The following STK11 variants were observed in gnomAD, a reference collection of about 807,000 sequenced individuals.
STK11 encodes the protein serine/threonine-protein kinase STK11.
STK11 carries 8 observed loss-of-function variants against 47.3 expected under a neutral mutation model. The ratio of observed to expected loss-of-function variants is 0.17; its 90% CI spans 0.10 to 0.31. STK11 has a LOEUF of 0.31. Among genes scored for constraint, STK11 ranks in the 10% least tolerant of loss-of-function variants. The probability of loss-of-function intolerance (pLI) is 1.00; values close to 1 mark genes in which losing one functional copy is unlikely to be tolerated. For missense variants in STK11, 475 were observed against 605.0 expected (o/e 0.79, Z 2.25); for synonymous variants, 330 against 255.8 (o/e 1.29, Z -2.77).
intron 8 of STK11, chr19:1,225,298 A>T: frequency 1.0e-6 from 1 of 981,046 alleles, no homozygotes; most frequent in Non-Finnish European, 1.2e-6. Flanking sequence ...TTGGAGACAG[A>T]GTCTTGCTCT....
At chr19:1,217,021 C>A (rs1052384961) in intron 1 of STK11, among the ~76,000 whole-genome samples, 1 of 151,790 alleles carries the variant, frequency 6.6e-6, no homozygotes, top group South Asian at 2.1e-4. Flanking sequence ...GGTTCCACAT[C>A]TCGGCTGCTG....
chr19:1,214,855 C>T (rs1296014495), intron 1 of STK11, among the ~76,000 whole-genome samples: 1 of 152,200 alleles, frequency 6.6e-6, no homozygotes, highest in African/African-American at 2.4e-5. Flanking sequence ...TGCCGGTAGC[C>T]GGCTCCTGCT....
Position 1,223,024 on chromosome 19 carries a change from G to T in STK11, c.960G>T (p.Val320=), listed in dbSNP as rs752961535. The T allele has an allele frequency of 1.3e-6, 2 of 1,588,166 alleles. No individual in the cohort carries two copies. Among genetic ancestry groups the T allele is most frequent in the East Asian group, 4.6e-5 (2 of 43,510 alleles). The stretch of plus-strand genomic sequence containing the variant: ...AACATCCTCCGGCTGAAGCACCAGT[G>T]CCCATCCCACCGAGCCCAGACACCA... ...RKKHPPAEAP[V]PIPPSPDTKD... is the part of the protein sequence containing the mutation. Residue 320 remains valine (V), a synonymous_variant, in exon 8 of 10, where the codon GTG becomes GTT. Coordinates refer to ENST00000326873, the MANE Select transcript of STK11 (RefSeq NM_000455.5).
chr19:1,213,636 T>C (rs1042562695), intron 1 of STK11, among the ~76,000 whole-genome samples: 1 of 152,234 alleles, frequency 6.6e-6, no homozygotes, highest in South Asian at 2.1e-4. Flanking sequence ...CACTTTCCAG[T>C]GTGTGGAGGG....
intron 6 of STK11, chr19:1,221,619 A>G (rs1377357998): frequency 3.4e-6 from 2 of 582,462 alleles, no homozygotes; most frequent in South Asian, 2.2e-5. Context: ...CCTGGCTTGC[A>G]GGGTCTGTCA....
chr19:1,222,038 G>C (rs374147918), intron 7 of STK11, 32 bp downstream of exon 7: 7 of 1,554,846 alleles, frequency 4.5e-6, no homozygotes, highest in South Asian at 1.2e-5. Context: ...TGGGGCCGAG[G>C]CTGCAGGGAG....
rs556227806 is a variant in STK11 at position 1,225,053 on chromosome 19, G to C, written c.1109-1401G>C. 1.7e-4 allele frequency: 166 copies of C among 985,874 alleles called. 6 individuals are homozygous for C. The East Asian group carries it at 8.5e-3, about 50-fold the overall frequency. 61.1% of individuals were successfully genotyped at this position (985,874 alleles called of 1,614,324 possible). ...CTCACGTGTCCCTACCCAGGATGCG[G>C]GTCCTGCTGCCAACACCCAGATCCC... On this transcript the variant is annotated intron_variant, in intron 8 of 9. Transcript: ENST00000326873.
chr19:1,226,764 AC>A, intron 9 of STK11, 101 bp downstream of exon 9: 1 of 1,349,220 alleles, frequency 7.4e-7, no homozygotes, highest in Admixed American at 3.0e-5. Flanking sequence ...GGTGACCGTC[AC>A]GTGGCTGCGC....
At chr19:1,221,190 T>A (rs2080781115) in intron 5 of STK11, 23 bp from the exon 6 acceptor site, 1 of 1,610,874 alleles carries the variant, frequency 6.2e-7, no homozygotes, top group East Asian at 2.2e-5. Flanking sequence ...ACCACGCCTT[T>A]CTTCCCTCCC....
intron 8 of STK11, chr19:1,225,054 G>A (rs898383885): frequency 4.1e-6 from 4 of 985,722 alleles, no homozygotes; most frequent in Non-Finnish European, 4.8e-6. Flanking sequence ...CAGGATGCGG[G>A]TCCTGCTGCC....
chr19:1,206,786 GT>G lies in STK11; in HGVS notation c.-123del. ...GAAGGGTTTTTCCCTTCCTTTTGGG[GT>G]TTTTGTTGCCTTTTTTTTTTCTTTT... On this transcript the variant is annotated 5_prime_UTR_variant, in exon 1 of 10. Coordinates refer to ENST00000326873, the MANE Select transcript of STK11 (RefSeq NM_000455.5). The G allele has an allele frequency of 8.0e-7, 1 of 1,251,770 alleles. No individual in the cohort carries two copies. Among genetic ancestry groups the G allele is most frequent in the South Asian group, 1.6e-5 (1 of 62,448 alleles). 77.5% of individuals were successfully genotyped at this position (1,251,770 alleles called of 1,614,324 possible).
chr19:1,226,371 C>G, intron 8 of STK11, 83 bp from the exon 9 acceptor site: 1 of 1,547,766 alleles, frequency 6.5e-7, no homozygotes. Context: ...GTAAGTGCGT[C>G]CCCGTGGTGG....
At chr19:1,214,671 G>T (rs1443706717) in intron 1 of STK11, among the ~76,000 whole-genome samples, 1 of 152,218 alleles carries the variant, frequency 6.6e-6, no homozygotes, top group Non-Finnish European at 1.5e-5. Context: ...TGCAGGTTGA[G>T]CTCCTGGCCT....
At chr19:1,224,905 C>T (rs768173748) in intron 8 of STK11, 1,919 of 985,760 alleles carry the variant, frequency 1.9e-3, no homozygotes, top group Non-Finnish European at 2.2e-3. Context: ...TCAGCGTGAG[C>T]CCCGTCCCTG....
At chr19:1,215,398 CAG>C (rs1190019609) in intron 1 of STK11, among the ~76,000 whole-genome samples, 1 of 152,258 alleles carries the variant, frequency 6.6e-6, no homozygotes, top group East Asian at 1.9e-4. Flanking sequence ...GGCAGCCCGA[CAG>C]GGCACCGGGC....
At chr19:1,223,911 G>A (rs913156676) in intron 8 of STK11, 12 of 1,014,348 alleles carry the variant, frequency 1.2e-5, no homozygotes, top group Non-Finnish European at 1.4e-5. Flanking sequence ...TCGGGCTGGA[G>A]CCTGAGGGGG....
chr19:1,224,164 C>T, intron 8 of STK11: 3 of 986,670 alleles, frequency 3.0e-6, no homozygotes, highest in Non-Finnish European at 3.6e-6. Context: ...GTGTGGGGGC[C>T]CCCGAGAGCA....
rs786201334 is a variant in STK11 at position 1,220,619 on chromosome 19, C to A, written c.636C>A (p.Thr212=). Residue 212 remains threonine, a synonymous_variant, in exon 5 of 10, where the codon ACC becomes ACA. Transcript: ENST00000326873. ...TCGCGGCGGACGACACCTGCCGGAC[C>A]AGCCAGGGCTCCCCGGCTTTCCAGC... ...HPFAADDTCR[T]SQGSPAFQPP... is the part of the protein sequence containing the mutation. 6.2e-7 allele frequency: 1 copy of A among 1,602,454 alleles called. No individual in the cohort carries two copies.
At chr19:1,222,584 C>G (rs2080792535) in intron 7 of STK11, among the ~76,000 whole-genome samples, 1 of 152,186 alleles carries the variant, frequency 6.6e-6, no homozygotes, top group Non-Finnish European at 1.5e-5. Context: ...CTGATTGTGC[C>G]TTGGGGGTCT....
Sources: allele counts gnomAD v4.1 joint callset (sites outside exome capture counted in the v4.1 genomes callset), GRCh38; gene constraint gnomAD v4.1.1; transcripts MANE v1.5; gene names NCBI Gene and HGNC (gene_info 2026-07-23, HGNC 2026-07-21).